MKRN2: variants seen among roughly 807,000 people sequenced by gnomAD.
MKRN2 encodes E3 ubiquitin-protein ligase makorin-2.
Under a neutral mutation model 45.4 loss-of-function variants are expected in MKRN2, and 32 were observed. The observed-to-expected ratio is 0.70, with a 90% CI of 0.53 to 0.95. MKRN2 has a LOEUF of 0.95. Among genes scored for constraint, MKRN2 ranks in the 40% least tolerant of loss-of-function variants. The pLI, the probability that MKRN2 is intolerant of heterozygous loss-of-function variation, is 0.00. For missense variants in MKRN2, 526 were observed against 536.7 expected (o/e 0.98, Z 0.20); for synonymous variants, 206 against 192.4 (o/e 1.07, Z -0.59).
At chr3:12,567,029 C>G (rs2125302429) in intron 1 of MKRN2, among the ~76,000 whole-genome samples, 1 of 152,284 alleles carries the variant, frequency 6.6e-6, no homozygotes, top group Middle Eastern at 3.4e-3. Flanking sequence ...TCCATCATCT[C>G]TGTAATTCCT....
chr3:12,570,359 A>C, intron 3 of MKRN2, 107 bp downstream of exon 3: 8 of 1,092,546 alleles, frequency 7.3e-6, no homozygotes, highest in Non-Finnish European at 1.0e-5. Context: ...AACCTAATAC[A>C]CCTCCAGATT....
chr3:12,571,069 G>C (rs2058095471), intron 3 of MKRN2, among the ~76,000 whole-genome samples: 1 of 151,844 alleles, frequency 6.6e-6, no homozygotes, highest in South Asian at 2.1e-4. Context: ...AACAGGGTTT[G>C]ATGAGGAAGA....
At chr3:12,566,396 G>GT (rs1034722045) in intron 1 of MKRN2, among the ~76,000 whole-genome samples, 6 of 151,738 alleles carry the variant, frequency 4.0e-5, no homozygotes, top group Admixed American at 6.6e-5. Flanking sequence ...GTTTTGTTTT[G>GT]TTTTTTTACA....
In MKRN2 at chr3:12,582,434, T is replaced by C. The variant is rs2058189719; in HGVS notation, c.*181T>C. On this transcript the variant is annotated 3_prime_UTR_variant, in exon 8 of 8. Transcript: ENST00000170447. ...CAGCCATGGGGAAGAGTGAAAGATA[T>C]AAAGTAACCTAATTAAATGTATGGA... The C allele has an allele frequency of 2.8e-6, 2 of 708,456 alleles. No individual in the cohort carries two copies. Among genetic ancestry groups the C allele is most frequent in the East Asian group, 2.7e-5 (1 of 36,822 alleles). 43.9% of individuals were successfully genotyped at this position (708,456 alleles called of 1,614,324 possible). A position where few individuals can be genotyped will look rare whatever the true frequency, so the allele number is the denominator to read the frequency against.
At chr3:12,578,928 G>A (rs1293109338) in intron 6 of MKRN2, among the ~76,000 whole-genome samples, 4 of 149,114 alleles carry the variant, frequency 2.7e-5, no homozygotes, top group Non-Finnish European at 5.9e-5. Context: ...AAGAGGGCAA[G>A]GCGTGGCAAG....
Position 12,558,930 on chromosome 3 carries a change from G to A in MKRN2, c.26+1754G>A, listed in dbSNP as rs139984848. On this transcript the variant is annotated intron_variant, in intron 1 of 7. Coordinates refer to ENST00000170447, the MANE Select transcript of MKRN2 (RefSeq NM_014160.5). ...CCACAGATCGTAAAACTGAGCCTCA[G>A]CATTGAAGCGACTTGCCTAAGGTCA... Among the ~76,000 whole-genome samples, 4 of 152,344 alleles carry A rather than the reference G, an allele frequency of 2.6e-5. No homozygotes were observed. In the East Asian group the frequency reaches 7.7e-4, roughly 29 times the overall value.
chr3:12,572,373 G>T lies in MKRN2; in HGVS notation c.642G>T (p.Lys214Asn). 6.4e-7 allele frequency: 1 copy of T among 1,552,222 alleles called. No homozygotes were observed. The highest frequency in any genetic ancestry group is 1.9e-5 in the Admixed American group (1 of 51,922). ...CAGAGCAGAGGAAGGCTCATGAAAAGGTAAAGTCACAAACCTTTGCATGAA... is the reference window on the plus strand; with the variant it reads ...CAGAGCAGAGGAAGGCTCATGAAAATGTAAAGTCACAAACCTTTGCATGAA... Reference protein sequence around the residue: ...FDPEQRKAHEKICMLTFEHEM... With the variant: ...FDPEQRKAHENICMLTFEHEM... Residue 214 changes from lysine to asparagine, a missense_variant and splice_region_variant, in exon 4 of 8, where the codon AAG becomes AAT. By Grantham distance (94) the Lys-to-Asn change is moderately conservative (BLOSUM62 0). Coordinates refer to ENST00000170447, the MANE Select transcript of MKRN2 (RefSeq NM_014160.5).
intron 6 of MKRN2, among the ~76,000 whole-genome samples, chr3:12,578,180 C>G (rs1006157101): frequency 6.6e-6 from 1 of 152,172 alleles, no homozygotes; most frequent in Non-Finnish European, 1.5e-5. Context: ...TGCTTCCTCA[C>G]TTTCCAATGG....
chr3:12,572,745 C>G (rs1447673639), intron 4 of MKRN2, among the ~76,000 whole-genome samples: 1 of 151,924 alleles, frequency 6.6e-6, no homozygotes, highest in East Asian at 1.9e-4. Context: ...CCACCACACC[C>G]GGCTACTTTT....
rs1559393585 is a variant in MKRN2 at position 12,582,123 on chromosome 3, A to G, written c.1121A>G (p.Asn374Ser). The stretch of plus-strand genomic sequence containing the variant: ...CACTGGCTGTTTTTGCAGTTCTTTA[A>G]TTCAGTGCGGCTCTGGGATTTCATC... ...LSSQGTVRFF[N>S]SVRLWDFIEN... Residue 374 changes from asparagine to serine, a missense_variant, in exon 8 of 8, where the codon AAT becomes AGT. Physicochemically the swap from Asn to Ser is conservative, Grantham distance 46. Coordinates refer to ENST00000170447, the MANE Select transcript of MKRN2 (RefSeq NM_014160.5). 3 of 1,614,174 alleles carry G rather than the reference A, an allele frequency of 1.9e-6. No homozygotes were observed. Among genetic ancestry groups the G allele is most frequent in the South Asian group, 1.1e-5 (1 of 91,082 alleles).
At chr3:12,573,788 GAGGCTGAGGCAGGAGAAT>G (rs1266160329) in intron 4 of MKRN2, among the ~76,000 whole-genome samples, 1 of 151,992 alleles carries the variant, frequency 6.6e-6, no homozygotes, top group East Asian at 1.9e-4. Context: ...AGCTACTTGG[GAGGCTGAGGCAGGAGAAT>G]AGTCTGAACC....
At chr3:12,571,960 A>G (rs2058102119) in intron 3 of MKRN2, 109 bp from the exon 4 acceptor site, 6 of 1,100,838 alleles carry the variant, frequency 5.5e-6, no homozygotes, top group Non-Finnish European at 7.5e-6. Context: ...TATGTTCTCA[A>G]GAGTGGAATT....
Position 12,583,428 on chromosome 3 carries a change from T to TAACTC in MKRN2, c.*1176_*1180dup, listed in dbSNP as rs1256514166. ...TTTCTGCTTAATTAATTTTTATACT[T>TAACTC]AACTCTTCAGTAGAGGTTTACAAAG... On this transcript the variant is annotated 3_prime_UTR_variant, in exon 8 of 8. Transcript: ENST00000170447. The TAACTC allele has an allele frequency of 2.7e-5, 5 of 186,734 alleles. No individual in the cohort carries two copies. Among genetic ancestry groups the TAACTC allele is most frequent in the Middle Eastern group, 1.9e-3 (1 of 528 alleles). 11.6% of individuals were successfully genotyped at this position (186,734 alleles called of 1,614,324 possible).
At chr3:12,565,776 G>A (rs2058065935) in intron 1 of MKRN2, among the ~76,000 whole-genome samples, 2 of 152,076 alleles carry the variant, frequency 1.3e-5, no homozygotes, top group South Asian at 4.1e-4. Context: ...CTGAGCTCAA[G>A]CAATCCACTC....
chr3:12,562,201 A>T (rs2058042104), intron 1 of MKRN2, among the ~76,000 whole-genome samples: 1 of 152,162 alleles, frequency 6.6e-6, no homozygotes, highest in African/African-American at 2.4e-5. Context: ...CATGAACCAA[A>T]ATTCCAGACT....
intron 1 of MKRN2, among the ~76,000 whole-genome samples, chr3:12,558,473 C>T (rs2058003991): frequency 6.6e-6 from 1 of 152,178 alleles, no homozygotes; most frequent in African/African-American, 2.4e-5. Flanking sequence ...TCCCCTCGCT[C>T]TATGGTTTAA....
chr3:12,574,480 G>T (rs2058118847), intron 4 of MKRN2, among the ~76,000 whole-genome samples: 1 of 152,256 alleles, frequency 6.6e-6, no homozygotes, highest in African/African-American at 2.4e-5. Flanking sequence ...TAGGGCCGCA[G>T]TCCTTACGGA....
chr3:12,557,642 C>A (rs1449550452), intron 1 of MKRN2, among the ~76,000 whole-genome samples: 1 of 152,224 alleles, frequency 6.6e-6, no homozygotes, highest in Admixed American at 6.5e-5. Context: ...TCTAAACTTG[C>A]AGAGAGTTAA....
chr3:12,572,756 T>A (rs1264117666), intron 4 of MKRN2, among the ~76,000 whole-genome samples: 1 of 151,884 alleles, frequency 6.6e-6, no homozygotes, highest in African/African-American at 2.4e-5. Context: ...GGCTACTTTT[T>A]GTATTTTTAG....
Sources: allele counts gnomAD v4.1 joint callset (sites outside exome capture counted in the v4.1 genomes callset), GRCh38; gene constraint gnomAD v4.1.1; transcripts MANE v1.5; gene names NCBI Gene and HGNC (gene_info 2026-07-23, HGNC 2026-07-21).